USP34: variants seen among roughly 807,000 people sequenced by gnomAD.
USP34 encodes ubiquitin specific peptidase 34, also known as ubiquitin carboxyl-terminal hydrolase 34.
USP34 carries 70 observed loss-of-function variants against 460.3 expected under a neutral mutation model. That is an observed-to-expected ratio of 0.15 (90% CI 0.13 to 0.19). USP34 has a LOEUF of 0.19. USP34 is among the 10% of genes least tolerant of loss of function. The pLI is 1.00. For missense variants in USP34, 3,985 were observed against 4,236.2 expected (o/e 0.94, Z 1.65); for synonymous variants, 1,647 against 1,405.3 (o/e 1.17, Z -3.85).
chr2:61,202,968 T>TAA (rs1372379209), intron 75 of USP34, among the ~76,000 whole-genome samples, 172 bp downstream of exon 75: 1 of 151,958 alleles, frequency 6.6e-6, no homozygotes, highest in Admixed American at 6.6e-5. Flanking sequence ...TGGAAACCAG[T>TAA]AAGTTGGTGT....
rs377270352 is a variant in USP34, at chr2:61,213,119, G to A, written c.8682+941C>T. 1.2e-3 allele frequency among the ~76,000 whole-genome samples: 189 copies of A among 152,074 alleles called. 2 individuals carry two copies. Among genetic ancestry groups the A allele is most frequent in the African/African-American group, 4.3e-3 (178 of 41,484 alleles). On this transcript the variant is annotated intron_variant, in intron 68 of 79. Transcript: ENST00000398571. The stretch of plus-strand genomic sequence containing the variant: ...CAGCCTCAACCTCCTGGGCTCAAGC[G>A]ATCCTCCCACCTCAGCCTCCCAAGC...
chr2:61,259,446 A>C (rs1688812602), intron 44 of USP34, among the ~76,000 whole-genome samples: 1 of 151,574 alleles, frequency 6.6e-6, no homozygotes, highest in African/African-American at 2.4e-5. Flanking sequence ...CGAGTGCAGT[A>C]GTGAGATCTC....
intron 41 of USP34, among the ~76,000 whole-genome samples, chr2:61,269,972 C>A (rs955762715): frequency 1.3e-5 from 2 of 152,116 alleles, no homozygotes; most frequent in African/African-American, 4.8e-5. Flanking sequence ...AATTTTTTAA[C>A]AATAGTCATC....
intron 27 of USP34, among the ~76,000 whole-genome samples, chr2:61,304,084 G>C (rs1690325623): frequency 6.6e-6 from 1 of 152,024 alleles, no homozygotes; most frequent in Non-Finnish European, 1.5e-5. Context: ...TTTTAGTAGA[G>C]ACAGGGTTTC....
Position 61,257,333 on chromosome 2 carries a change from T to C in USP34, c.5862A>G (p.Ala1954=), listed in dbSNP as rs772158249. The C allele has an allele frequency of 5.0e-6, 8 of 1,599,576 alleles. No individual in the cohort carries two copies. In the South Asian group the frequency reaches 8.0e-5, roughly 16 times the overall value. The change falls in exon 45 of 80, where the codon GCA becomes GCG. Residue 1954 remains alanine (A), a synonymous_variant. Coordinates refer to ENST00000398571, the MANE Select transcript of USP34 (RefSeq NM_014709.4). ...TTTTACAGAAAGGTCTAGGATTATA[T>C]GCTTTGCATTCACTCTCCTGCAAAT... ...FTYLMESECK[A]YNPRPFCKTY...
chr2:61,357,322 A>ATT (rs1692138098), intron 10 of USP34, among the ~76,000 whole-genome samples: 1 of 152,262 alleles, frequency 6.6e-6, no homozygotes, highest in Non-Finnish European at 1.5e-5. Context: ...AAATTAACAC[A>ATT]TTCAAACAGT....
intron 20 of USP34, among the ~76,000 whole-genome samples, chr2:61,327,166 C>T (rs867580729): frequency 3.3e-5 from 5 of 152,122 alleles, no homozygotes; most frequent in Non-Finnish European, 5.9e-5. Flanking sequence ...TTCCCAAAAT[C>T]GCACTAAATT....
At chr2:61,382,427 C>A (rs999338702) in intron 6 of USP34, among the ~76,000 whole-genome samples, 1 of 152,156 alleles carries the variant, frequency 6.6e-6, no homozygotes, top group Admixed American at 6.5e-5. Flanking sequence ...TTCTACAATA[C>A]GTCTTTCTAA....
chr2:61,223,385 A>C, intron 62 of USP34, 89 bp from the exon 63 acceptor site: 1 of 1,319,484 alleles, frequency 7.6e-7, no homozygotes. Context: ...TTGTTGATTC[A>C]ATTATAATTG....
At chr2:61,378,743 T>G (rs954951348) in intron 7 of USP34, among the ~76,000 whole-genome samples, 37 of 151,534 alleles carry the variant, frequency 2.4e-4, no homozygotes, top group African/African-American at 8.7e-4. Flanking sequence ...TCCATCTCTA[T>G]TAAAAATACA....
chr2:61,456,612 T>C (rs980369127), intron 1 of USP34, among the ~76,000 whole-genome samples: 1 of 151,618 alleles, frequency 6.6e-6, no homozygotes, highest in East Asian at 1.9e-4. Flanking sequence ...AGCCCAGGAG[T>C]TGGAGACCAG....
At position 61,348,750 on chromosome 2, in the gene USP34, T is replaced by G. The variant is rs1200686840; in HGVS notation, c.1674+6A>C. 1 of 1,608,702 alleles carries G rather than the reference T, an allele frequency of 6.2e-7. No homozygotes were observed. The highest frequency in any genetic ancestry group is 1.7e-5 in the Admixed American group (1 of 58,336). On this transcript the variant is annotated splice_donor_region_variant and intron_variant, in intron 14 of 79. Coordinates refer to ENST00000398571, the MANE Select transcript of USP34 (RefSeq NM_014709.4). ...CCTATAAAAGAAGAAAAACCTATTT[T>G]CATACCTCTGTGTCTGAAAGTCGTT...
intron 65 of USP34, among the ~76,000 whole-genome samples, chr2:61,222,347 T>C (rs948591980): frequency 6.6e-6 from 1 of 152,250 alleles, no homozygotes; most frequent in African/African-American, 2.4e-5. Context: ...TTAGGATATA[T>C]GTTCCCAATC....
intron 75 of USP34, among the ~76,000 whole-genome samples, chr2:61,198,075 CATA>C (rs1418916499): frequency 1.3e-5 from 2 of 152,114 alleles, no homozygotes; most frequent in Non-Finnish European, 1.5e-5. Context: ...ACCAGTTTTC[CATA>C]ATATTAAAAT....
intron 1 of USP34, among the ~76,000 whole-genome samples, chr2:61,446,190 A>G (rs1263597072): frequency 6.6e-6 from 1 of 151,722 alleles, no homozygotes; most frequent in African/African-American, 2.4e-5. Context: ...TAAATACTTC[A>G]TTCCATATTT....
chr2:61,390,118 A>T (rs772058183), intron 5 of USP34, among the ~76,000 whole-genome samples: 1 of 152,230 alleles, frequency 6.6e-6, no homozygotes, highest in Non-Finnish European at 1.5e-5. Context: ...ACGTTACTTA[A>T]GCCCTACAAG....
intron 49 of USP34, among the ~76,000 whole-genome samples, chr2:61,248,176 T>A (rs1572869389): frequency 1.1e-5 from 1 of 91,372 alleles, no homozygotes; most frequent in African/African-American, 4.5e-5. Context: ...TAAGACTGTC[T>A]CAGAAGACCA....
intron 58 of USP34, 96 bp downstream of exon 58, chr2:61,232,353 CAAT>C: frequency 1.0e-6 from 1 of 981,532 alleles, no homozygotes; most frequent in African/African-American, 1.7e-5. Flanking sequence ...AAACTATTAT[CAAT>C]ATTAGGTTAA....
intron 44 of USP34, among the ~76,000 whole-genome samples, chr2:61,258,655 C>T (rs1688787459): frequency 6.6e-6 from 1 of 152,064 alleles, no homozygotes. Flanking sequence ...GGGAAAAAAC[C>T]CAGAGGGTGT....
Sources: allele counts gnomAD v4.1 joint callset (sites outside exome capture counted in the v4.1 genomes callset), GRCh38; gene constraint gnomAD v4.1.1; transcripts MANE v1.5; gene names NCBI Gene and HGNC (gene_info 2026-07-23, HGNC 2026-07-21).